Variants in MED25 observed in about 807,000 individuals in gnomAD.
MED25 encodes mediator complex subunit 25.
In MED25, 62 loss-of-function variants were observed where a neutral mutation model predicts 89.4. The observed-to-expected ratio is 0.69, with a 90% CI of 0.57 to 0.86. MED25 has a LOEUF of 0.86. Ranked by LOEUF, MED25 falls within the 40% of genes least tolerant of loss-of-function variation. MED25 has a pLI of 0.00. For missense variants in MED25, 905 were observed against 1,005.2 expected (o/e 0.90, Z 1.35); for synonymous variants, 449 against 427.9 (o/e 1.05, Z -0.61).
chr19:49,829,224 G>A lies in MED25; in HGVS notation c.525+134G>A, dbSNP rs2074036094. On this transcript the variant is annotated intron_variant, in intron 5 of 17. Transcript: ENST00000312865. The surrounding 1 kb of genome is among the most constrained non-coding windows in gnomAD (Gnocchi z 4.6). ...GGGGCCTGGACTCTTGGGTCTAAGCGGGGAGGCACTGGGGGCCTGGACTCA... is the reference window on the plus strand; with the variant it reads ...GGGGCCTGGACTCTTGGGTCTAAGCAGGGAGGCACTGGGGGCCTGGACTCA... 6 of 766,918 alleles carry A rather than the reference G, an allele frequency of 7.8e-6. No individual in the cohort carries two copies. The highest frequency in any genetic ancestry group is 7.4e-5 in the South Asian group (5 of 67,384). 47.5% of individuals were successfully genotyped at this position (766,918 alleles called of 1,614,324 possible).
downstream of MED25, among the ~76,000 whole-genome samples, chr19:49,837,524 G>A (rs565463737): frequency 2.2e-4 from 33 of 152,152 alleles, no homozygotes; most frequent in African/African-American, 7.5e-4. Context: ...GCAGTGGGGC[G>A]GGCCTAGGCC....
At chr19:49,828,112 C>T (rs569918052) in intron 3 of MED25, among the ~76,000 whole-genome samples, 9 of 152,008 alleles carry the variant, frequency 5.9e-5, no homozygotes, top group Non-Finnish European at 8.8e-5. Context: ...ACCTGTAGTC[C>T]CAGCTACTCG....
chr19:49,836,472 C>CTCGGTCTTGGTGCT lies in MED25; in HGVS notation c.2146+66_2146+67insTCGGTCTTGGTGCT. The CTCGGTCTTGGTGCT allele has an allele frequency of 6.6e-7, 1 of 1,524,618 alleles. No homozygotes were observed. Among genetic ancestry groups the CTCGGTCTTGGTGCT allele is most frequent in the Non-Finnish European group, 8.9e-7 (1 of 1,122,854 alleles). The allele number at this position is 1,524,618 out of a possible 1,614,324, so 94.4% of individuals were successfully genotyped here. On this transcript the variant is annotated intron_variant, in intron 17 of 17. Coordinates refer to ENST00000312865, the MANE Select transcript of MED25 (RefSeq NM_030973.4). The surrounding 1 kb of genome is among the most constrained non-coding windows in gnomAD (Gnocchi z 5.1). ...TCCCAGCAGCTCCTGGGCTAGAGCA[C>CTCGGTCTTGGTGCT]CAAGACCGAGTGCTCCTGGGAAGTA...
Position 49,834,586 on chromosome 19 carries a change from G to C in MED25, c.1483-400G>C. 1 of 307,648 alleles carries C rather than the reference G, an allele frequency of 3.3e-6. No individual in the cohort carries two copies. Among genetic ancestry groups the C allele is most frequent in the Non-Finnish European group, 6.4e-6 (1 of 156,794 alleles). The allele number at this position is 307,648 out of a possible 1,614,324, so 19.1% of individuals were successfully genotyped here. A position where few individuals can be genotyped will look rare whatever the true frequency, so the allele number is the denominator to read the frequency against. On this transcript the variant is annotated intron_variant, in intron 13 of 17. Coordinates refer to ENST00000312865, the MANE Select transcript of MED25 (RefSeq NM_030973.4). The surrounding 1 kb of genome is among the most constrained non-coding windows in gnomAD (Gnocchi z 4.1). ...AGGATCTCTTGGATACCCGGGGTCC[G>C]ACCCACCGTTGATCACAGGCCTGTG...
Position 49,829,265 on chromosome 19 carries a change from C to G in MED25, c.525+175C>G, listed in dbSNP as rs1237015621. On this transcript the variant is annotated intron_variant, in intron 5 of 17. Coordinates refer to ENST00000312865, the MANE Select transcript of MED25 (RefSeq NM_030973.4). The surrounding 1 kb of genome is among the most constrained non-coding windows in gnomAD (Gnocchi z 4.6). The stretch of plus-strand genomic sequence containing the variant: ...CCTGGACTCAGACACAGAATAGTCA[C>G]AGACTGGTGACCAGCTTTGCTTACT... 6.6e-6 allele frequency among the ~76,000 whole-genome samples: 1 copy of G among 152,046 alleles called. No homozygotes were observed. The highest frequency in any genetic ancestry group is 2.4e-5 in the African/African-American group (1 of 41,412).
intron 3 of MED25, among the ~76,000 whole-genome samples, chr19:49,823,550 A>G (rs2073997330): frequency 6.6e-6 from 1 of 152,130 alleles, no homozygotes; most frequent in Non-Finnish European, 1.5e-5. Flanking sequence ...TTAGAAGATC[A>G]CAGGAGCTAA....
rs1335776703 is a variant in MED25 at position 49,829,237 on chromosome 19, G to C, written c.525+147G>C. The C allele has an allele frequency of 2.8e-6, 2 of 706,092 alleles. No homozygotes were observed. Among genetic ancestry groups the C allele is most frequent in the African/African-American group, 3.5e-5 (2 of 56,678 alleles). 43.7% of individuals were successfully genotyped at this position (706,092 alleles called of 1,614,324 possible). The stretch of plus-strand genomic sequence containing the variant: ...TTGGGTCTAAGCGGGGAGGCACTGG[G>C]GGCCTGGACTCAGACACAGAATAGT... On this transcript the variant is annotated intron_variant, in intron 5 of 17. Transcript: ENST00000312865. This position sits in a 1 kb window ranked among gnomAD's most constrained non-coding sequence, Gnocchi z 4.6.
downstream of MED25, chr19:49,839,790 C>T (rs1464910977): frequency 6.6e-6 from 1 of 152,188 alleles, no homozygotes; most frequent in Non-Finnish European, 1.5e-5. Context: ...GTGGCCCGGA[C>T]TGTATTCACC....
rs1568624990 is a variant in MED25, at chr19:49,834,755, A to G, written c.1483-231A>G. ...GAAGGTTGAAGAGCTGGGCTCCAGCACTTTCTCTCCGCTTTCCCTCTCAGT... is the reference window on the plus strand; with the variant it reads ...GAAGGTTGAAGAGCTGGGCTCCAGCGCTTTCTCTCCGCTTTCCCTCTCAGT... On this transcript the variant is annotated intron_variant, in intron 13 of 17. Coordinates refer to ENST00000312865, the MANE Select transcript of MED25 (RefSeq NM_030973.4). This position sits in a 1 kb window ranked among gnomAD's most constrained non-coding sequence, Gnocchi z 4.1. 1 of 581,792 alleles carries G rather than the reference A, an allele frequency of 1.7e-6. No individual in the cohort carries two copies. Among genetic ancestry groups the G allele is most frequent in the African/African-American group, 1.9e-5 (1 of 53,444 alleles). The allele number at this position is 581,792 out of a possible 1,614,324, so 36.0% of individuals were successfully genotyped here.
At chr19:49,826,289 G>A (rs149173791) in intron 3 of MED25, among the ~76,000 whole-genome samples, 1,663 of 152,298 alleles carry the variant, frequency 0.011, 14 homozygotes, top group Non-Finnish European at 0.016. Flanking sequence ...TGCAGTGAGC[G>A]GAGATGTGCC....
At chr19:49,826,391 G>A (rs560669403) in intron 3 of MED25, among the ~76,000 whole-genome samples, 1 of 152,188 alleles carries the variant, frequency 6.6e-6, no homozygotes, top group Non-Finnish European at 1.5e-5. Context: ...GGAAGTGTGT[G>A]GTGGGTTGGG....
chr19:49,819,641 C>T, intron 3 of MED25: 2 of 356,266 alleles, frequency 5.6e-6, no homozygotes, highest in Non-Finnish European at 1.1e-5. Context: ...TAGGAAAAAC[C>T]TTCCCATTCA....
chr19:49,838,306 G>A (rs1414934277), downstream of MED25: 6 of 342,220 alleles, frequency 1.8e-5, no homozygotes, highest in East Asian at 1.5e-4. Context: ...ACACACACAC[G>A]CACACACACA....
At chr19:49,838,862 G>A, downstream of MED25, 2 of 416,368 alleles carry the variant, frequency 4.8e-6, no homozygotes, top group South Asian at 3.5e-5. Flanking sequence ...AAGTGGCGCG[G>A]CAGTGGTACG....
rs746407294 is a variant in MED25 at position 49,830,484 on chromosome 19, C to A, written c.820-27C>A. 1.4e-5 allele frequency: 23 copies of A among 1,610,564 alleles called. No individual in the cohort carries two copies. In the African/African-American group the frequency reaches 3.1e-4, roughly 22 times the overall value. On this transcript the variant is annotated intron_variant, in intron 7 of 17. Transcript: ENST00000312865. This position sits in a 1 kb window ranked among gnomAD's most constrained non-coding sequence, Gnocchi z 4.6. ...TGGGGGGCCATGGTCCTCACCAGTC[C>A]CTTCCCTTCTTCCCTTCTACCCACA...
chr19:49,836,930 A>C lies in MED25; in HGVS notation c.2230A>C (p.Met744Leu), dbSNP rs1345183350. The C allele has an allele frequency of 6.2e-7, 1 of 1,612,896 alleles. No homozygotes were observed. The change falls in exon 18 of 18, where the codon ATG (methionine) becomes CTG (leucine). Residue 744 changes from methionine (M) to leucine (L), a missense_variant. Met to Leu is a conservative substitution (Grantham distance 15). Around this residue, in one of 3 missense-constraint regions of MED25, gnomAD observed 271 missense variants for 258.1 expected, o/e 1.05. Transcript: ENST00000312865. This position sits in a 1 kb window ranked among gnomAD's most constrained non-coding sequence, Gnocchi z 5.1. The part of the protein sequence containing the change: ...QPSVMEDDIL[M>L]DLI ...CAGCGTCATGGAGGACGACATCCTC[A>C]TGGATCTCATCTGAATCCCCAACAC...
chr19:49,827,043 G>A (rs1462118915), intron 3 of MED25, among the ~76,000 whole-genome samples: 1 of 152,156 alleles, frequency 6.6e-6, no homozygotes, highest in Non-Finnish European at 1.5e-5. Flanking sequence ...GCAAGCCTGG[G>A]GGTAAGAGAG....
intron 3 of MED25, among the ~76,000 whole-genome samples, chr19:49,828,187 C>T (rs1369572912): frequency 5.3e-5 from 8 of 151,676 alleles, no homozygotes; most frequent in Non-Finnish European, 1.2e-4. Context: ...TGAGATCATG[C>T]CACTGCATTC....
chr19:49,833,526 C>G (rs1270970325), intron 13 of MED25: 1 of 152,268 alleles, frequency 6.6e-6, no homozygotes, highest in Non-Finnish European at 1.5e-5. Context: ...GATCACCTCA[C>G]GAGACCCTCA....
Sources: gnomAD v4.1 joint callset for allele counts (sites outside exome capture counted in the v4.1 genomes callset) on GRCh38, gnomAD v4.1.1 for gene constraint, gnomAD v4.1.1 regional missense constraint, Gnocchi (gnomAD v3.1) non-coding constraint, MANE v1.5 for transcripts, NCBI Gene and HGNC (gene_info 2026-07-23, HGNC 2026-07-21) for gene names.